SETBP1: variants seen among roughly 807,000 people sequenced by gnomAD.
The protein encoded by SETBP1 is SET-binding protein.
SETBP1 carries 9 observed loss-of-function variants against 101.0 expected under a neutral mutation model. The ratio of observed to expected loss-of-function variants is 0.09; its 90% confidence interval spans 0.05 to 0.16. The LOEUF is 0.16. Among genes scored for constraint, SETBP1 ranks in the 10% least tolerant of loss-of-function variants. The pLI is 1.00. For synonymous variants in SETBP1, 818 were observed against 788.5 expected, an observed-to-expected ratio of 1.04 and a Z score of -0.63; for missense variants, 1,858 against 2,033.8, an observed-to-expected ratio of 0.91 and a Z score of 1.66.
chr18:45,039,462 A>T (rs1048821515), intron 5 of SETBP1, among the ~76,000 whole-genome samples: 1 of 151,966 alleles, frequency 6.6e-6, no homozygotes, highest in African/African-American at 2.4e-5. Context: ...AGTCCTTAAA[A>T]CCCAGCTAGT....
intron 4 of SETBP1, among the ~76,000 whole-genome samples, chr18:44,990,645 A>G (rs4890496): frequency 0.22 from 32,873 of 151,384 alleles, 3,908 homozygotes; most frequent in East Asian, 0.52. Flanking sequence ...AAAAAAAAAC[A>G]TACACACACA....
intron 2 of SETBP1, among the ~76,000 whole-genome samples, chr18:44,726,165 T>C (rs188512081): frequency 2.0e-5 from 3 of 152,336 alleles, no homozygotes; most frequent in Admixed American, 2.0e-4. Context: ...TACATAATTT[T>C]TAAACTTTAA....
chr18:44,892,996 A>C (rs1054411451), intron 3 of SETBP1, among the ~76,000 whole-genome samples: 13 of 152,148 alleles, frequency 8.5e-5, no homozygotes, highest in Admixed American at 8.5e-4. Flanking sequence ...ATATAGGGTG[A>C]TTGTTAGCAG....
At chr18:44,998,242 AGCATTT>A (rs1360952237) in intron 4 of SETBP1, among the ~76,000 whole-genome samples, 147 of 152,340 alleles carry the variant, frequency 9.6e-4, no homozygotes, top group Non-Finnish European at 1.6e-4. Context: ...CCTTGACAGG[AGCATTT>A]CTAGCTGTCA....
chr18:44,965,790 G>C (rs760768824), intron 4 of SETBP1, among the ~76,000 whole-genome samples: 1 of 152,146 alleles, frequency 6.6e-6, no homozygotes, highest in Non-Finnish European at 1.5e-5. Flanking sequence ...CTGTCTTATA[G>C]AGGAGAATTC....
intron 3 of SETBP1, among the ~76,000 whole-genome samples, chr18:44,924,790 C>A (rs951532060): frequency 6.6e-6 from 1 of 152,166 alleles, no homozygotes; most frequent in African/African-American, 2.4e-5. Context: ...CATCCCCCAC[C>A]CTCAACCTTG....
At chr18:44,998,262 T>C (rs1381987790) in intron 4 of SETBP1, among the ~76,000 whole-genome samples, 1 of 152,236 alleles carries the variant, frequency 6.6e-6, no homozygotes, top group East Asian at 1.9e-4. Flanking sequence ...GCTGTCACAG[T>C]TGTGTATGGA....
At chr18:44,905,616 G>A (rs540074752) in intron 3 of SETBP1, among the ~76,000 whole-genome samples, 8 of 152,310 alleles carry the variant, frequency 5.3e-5, no homozygotes, top group Middle Eastern at 3.4e-3. Context: ...TTCCAGGAAT[G>A]CTGCAGCCAT....
chr18:44,930,486 G>T (rs1345972218), intron 3 of SETBP1, among the ~76,000 whole-genome samples: 1 of 152,116 alleles, frequency 6.6e-6, no homozygotes, highest in Non-Finnish European at 1.5e-5. Context: ...TTTTTCTATT[G>T]ATTGGACTAG....
rs750757042 is a variant in SETBP1 at position 44,701,704 on chromosome 18, T to C, written c.358T>C (p.Leu120=). The C allele has an allele frequency of 6.2e-7, 1 of 1,613,966 alleles. No homozygotes were observed. The highest frequency in any genetic ancestry group is 1.7e-5 in the Admixed American group (1 of 60,000). ...GCGGGCTAAGAAACCCCCAAAGAAT[T>C]TGGAGAACTATATATGTCCACCTGA... ...TKRAKKPPKN[L]ENYICPPEIK... is the part of the protein sequence containing the mutation. Residue 120 remains leucine, a synonymous_variant, in exon 2 of 6, where the codon TTG becomes CTG. Coordinates refer to ENST00000649279, the MANE Select transcript of SETBP1 (RefSeq NM_015559.3).
At chr18:44,725,777 G>T (rs1406631799) in intron 2 of SETBP1, among the ~76,000 whole-genome samples, 1 of 152,084 alleles carries the variant, frequency 6.6e-6, no homozygotes, top group African/African-American at 2.4e-5. Context: ...TCCAGGAAGT[G>T]ATGACTCAGA....
intron 4 of SETBP1, among the ~76,000 whole-genome samples, chr18:44,984,062 G>C (rs149423327): frequency 6.6e-6 from 1 of 152,112 alleles, no homozygotes; most frequent in Non-Finnish European, 1.5e-5. Flanking sequence ...TTAGCCGGGC[G>C]TGGTTGCATG....
chr18:44,690,528 A>G (rs2068912692), intron 1 of SETBP1, among the ~76,000 whole-genome samples: 1 of 152,244 alleles, frequency 6.6e-6, no homozygotes, highest in African/African-American at 2.4e-5. Flanking sequence ...GCCTCCAAGT[A>G]TGTCTACCAA....
At chr18:44,967,244 G>A (rs753125808) in intron 4 of SETBP1, among the ~76,000 whole-genome samples, 1 of 152,224 alleles carries the variant, frequency 6.6e-6, no homozygotes, top group Non-Finnish European at 1.5e-5. Flanking sequence ...ATAACGGAAA[G>A]CTCACTGAGT....
intron 2 of SETBP1, among the ~76,000 whole-genome samples, chr18:44,846,314 C>T (rs1378104447): frequency 6.6e-6 from 1 of 152,160 alleles, no homozygotes; most frequent in Non-Finnish European, 1.5e-5. Context: ...TAAAAGTGTG[C>T]AATTCAGTGG....
intron 3 of SETBP1, among the ~76,000 whole-genome samples, chr18:44,893,113 G>A (rs1028478272): frequency 3.9e-5 from 6 of 152,088 alleles, no homozygotes; most frequent in Non-Finnish European, 8.8e-5. Context: ...GACATTAACA[G>A]TCCCTTTTCC....
At chr18:44,847,878 A>G (rs2072755321) in intron 2 of SETBP1, among the ~76,000 whole-genome samples, 3 of 152,188 alleles carry the variant, frequency 2.0e-5, no homozygotes, top group African/African-American at 7.2e-5. Context: ...GAGCCATGTC[A>G]TGACCTGCAT....
intron 2 of SETBP1, among the ~76,000 whole-genome samples, chr18:44,841,568 T>C (rs750827241): frequency 1.3e-5 from 2 of 152,224 alleles, no homozygotes; most frequent in Non-Finnish European, 2.9e-5. Context: ...TGTGACTCCA[T>C]GTAGTACCCG....
At chr18:44,937,275 AC>A (rs1299515313) in intron 3 of SETBP1, among the ~76,000 whole-genome samples, 6 of 150,472 alleles carry the variant, frequency 4.0e-5, no homozygotes, top group Non-Finnish European at 8.9e-5. Flanking sequence ...AAACGGTGAA[AC>A]CCCGTCTCTA....
Sources: gnomAD v4.1 joint callset for allele counts (sites outside exome capture counted in the v4.1 genomes callset) on GRCh38, gnomAD v4.1.1 for gene constraint, MANE v1.5 for transcripts, NCBI Gene and HGNC (gene_info 2026-07-23, HGNC 2026-07-21) for gene names.